PIK3C2G: variants seen among roughly 807,000 people sequenced by gnomAD.
PIK3C2G encodes the protein phosphatidylinositol-4-phosphate 3-kinase catalytic subunit type 2 gamma, also known as phosphatidylinositol 3-kinase C2 domain-containing subunit gamma.
A neutral mutation model predicts 181.1 loss-of-function variants in PIK3C2G; 168 were observed. That is an observed-to-expected ratio of 0.93 (90% CI 0.82 to 1.05). The LOEUF is 1.05. Among genes scored for constraint, PIK3C2G ranks in the 50% least tolerant of loss-of-function variants. The pLI is 0.00. For missense variants in PIK3C2G, 1,869 were observed against 1,732.8 expected (o/e 1.08, Z -1.40); for synonymous variants, 573 against 592.2 (o/e 0.97, Z 0.47).
At chr12:18,451,913 G>A (rs1947384763) in intron 18 of PIK3C2G, among the ~76,000 whole-genome samples, 1 of 152,188 alleles carries the variant, frequency 6.6e-6, no homozygotes, top group African/African-American at 2.4e-5. Context: ...GCATCCCAGG[G>A]ATGAAGCCAA....
the PIK3C2G span, among the ~76,000 whole-genome samples, chr12:18,690,229 G>GTTTC: frequency 6.6e-6 from 1 of 151,884 alleles, no homozygotes; most frequent in South Asian, 2.1e-4. Flanking sequence ...TTGTTTGTTT[G>GTTTC]TTTGTTTCTT....
chr12:18,463,906 C>T (rs748591659), intron 18 of PIK3C2G, among the ~76,000 whole-genome samples: 9 of 152,082 alleles, frequency 5.9e-5, no homozygotes, highest in Non-Finnish European at 1.3e-4. Flanking sequence ...TTCACTCCTC[C>T]GCTCTGCTCT....
rs763741349 is a variant in PIK3C2G, at chr12:18,421,034, G to T, written c.2409G>T (p.Gln803His). 3.9e-6 allele frequency: 6 copies of T among 1,533,960 alleles called. No individual in the cohort carries two copies. The change falls in exon 17 of 33, where the codon CAG (glutamine) becomes CAT (histidine). Residue 803 changes from glutamine (Q) to histidine (H), a missense_variant and splice_region_variant. Transcript: ENST00000538779. ...ELLEYLPQLV[Q>H]AVKFEWNLES... ...TGGAATATCTCCCACAGCTAGTTCA[G>T]GTAAGAATAGAAGAGTTGCTAAGGA...
chr12:18,443,046 T>C (rs1211514917), intron 18 of PIK3C2G, among the ~76,000 whole-genome samples: 2 of 152,026 alleles, frequency 1.3e-5, no homozygotes, highest in African/African-American at 4.8e-5. Flanking sequence ...TAATTTTTTG[T>C]ATTTTTAGTA....
intron 1 of PIK3C2G, among the ~76,000 whole-genome samples, chr12:18,263,903 C>A (rs796683253): frequency 6.6e-6 from 1 of 151,986 alleles, no homozygotes; most frequent in Admixed American, 6.6e-5. Flanking sequence ...CTGATATATA[C>A]CTTTTCATTT....
intron 6 of PIK3C2G, among the ~76,000 whole-genome samples, chr12:18,318,713 A>G (rs994863920): frequency 6.6e-6 from 1 of 151,954 alleles, no homozygotes; most frequent in Non-Finnish European, 1.5e-5. Context: ...CATCTTAGAT[A>G]ATATTTTTAT....
chr12:18,351,923 C>T (rs1228338956), intron 11 of PIK3C2G, among the ~76,000 whole-genome samples: 2 of 152,110 alleles, frequency 1.3e-5, no homozygotes, highest in Non-Finnish European at 2.9e-5. Flanking sequence ...TAGGCTATCC[C>T]GTATACCCTA....
At chr12:18,243,308 G>A (rs1049784158), upstream of PIK3C2G, among the ~76,000 whole-genome samples, 1 of 151,768 alleles carries the variant, frequency 6.6e-6, no homozygotes, top group Middle Eastern at 3.4e-3. Context: ...ACATTTGCAG[G>A]TGTTGGGTAA....
intron 31 of PIK3C2G, among the ~76,000 whole-genome samples, chr12:18,612,631 C>G (rs1200383247): frequency 2.0e-5 from 3 of 152,098 alleles, no homozygotes; most frequent in Non-Finnish European, 4.4e-5. Context: ...CTATAAATGA[C>G]ATAAAAATCC....
chr12:18,417,930 T>A (rs1483923304), intron 16 of PIK3C2G, among the ~76,000 whole-genome samples: 1 of 152,130 alleles, frequency 6.6e-6, no homozygotes, highest in Non-Finnish European at 1.5e-5. Flanking sequence ...GGAATTTATA[T>A]GAGTGGTATT....
chr12:18,456,171 T>C (rs958590898), intron 18 of PIK3C2G, among the ~76,000 whole-genome samples: 22 of 152,170 alleles, frequency 1.4e-4, no homozygotes, highest in African/African-American at 5.3e-4. Context: ...GTTTTTAAAA[T>C]GTTAAATATT....
chr12:18,390,295 C>T (rs1943455170), intron 14 of PIK3C2G, among the ~76,000 whole-genome samples: 1 of 152,006 alleles, frequency 6.6e-6, no homozygotes, highest in Non-Finnish European at 1.5e-5. Flanking sequence ...GAGATTCCAA[C>T]CTAACATAAC....
At chr12:18,624,683 G>C (rs569506279) in intron 31 of PIK3C2G, among the ~76,000 whole-genome samples, 1 of 151,332 alleles carries the variant, frequency 6.6e-6, no homozygotes, top group Non-Finnish European at 1.5e-5. Context: ...TTTTTTTTGA[G>C]GAGAGACTTT....
intron 15 of PIK3C2G, among the ~76,000 whole-genome samples, chr12:18,394,910 T>A (rs1048431904): frequency 4.0e-5 from 6 of 151,784 alleles, no homozygotes; most frequent in African/African-American, 1.5e-4. Flanking sequence ...AAATTTGATT[T>A]AAAAAAAATT....
chr12:18,631,002 C>T (rs571196137), intron 31 of PIK3C2G, among the ~76,000 whole-genome samples: 16 of 151,826 alleles, frequency 1.1e-4, no homozygotes, highest in East Asian at 1.9e-4. Flanking sequence ...AAAAAAATTG[C>T]AGTGTAAGAC....
the PIK3C2G span, among the ~76,000 whole-genome samples, chr12:18,673,902 T>A: frequency 6.6e-6 from 1 of 152,186 alleles, no homozygotes; most frequent in African/African-American, 2.4e-5. Flanking sequence ...GCTTGCTTCA[T>A]CATAGTGTGC....
intron 12 of PIK3C2G, among the ~76,000 whole-genome samples, chr12:18,363,461 C>G (rs143438067): frequency 2.4e-4 from 37 of 151,884 alleles, no homozygotes; most frequent in Non-Finnish European, 4.7e-4. Context: ...TTTTGCTCCC[C>G]GCACCCAACT....
chr12:18,254,951 G>A (rs1032070865), intron 1 of PIK3C2G, among the ~76,000 whole-genome samples: 8 of 151,704 alleles, frequency 5.3e-5, no homozygotes, highest in African/African-American at 1.5e-4. Context: ...GGCTCAGGCC[G>A]GGCGCAGTGG....
chr12:18,596,266 C>G (rs2136504996), intron 30 of PIK3C2G, among the ~76,000 whole-genome samples: 1 of 152,102 alleles, frequency 6.6e-6, no homozygotes, highest in East Asian at 1.9e-4. Context: ...ACAAGAAATT[C>G]AGGGTCTCCG....
Sources: gnomAD v4.1 joint callset for allele counts (sites outside exome capture counted in the v4.1 genomes callset) on GRCh38, gnomAD v4.1.1 for gene constraint, MANE v1.5 for transcripts, NCBI Gene and HGNC (gene_info 2026-07-23, HGNC 2026-07-21) for gene names.